The following PDE9A variants were observed in gnomAD, a reference collection of about 807,000 sequenced individuals.
The protein encoded by PDE9A is phosphodiesterase 9A.
In PDE9A, 60 loss-of-function variants were observed where a neutral mutation model predicts 87.4. The observed-to-expected ratio is 0.69, with a 90% CI of 0.56 to 0.85. The LOEUF (loss-of-function observed/expected upper bound fraction) is 0.85, where lower values mean the gene tolerates loss of function less well. Among genes scored for constraint, PDE9A ranks in the 40% least tolerant of loss-of-function variants. PDE9A has a pLI of 0.00. For missense variants in PDE9A, 665 were observed against 779.0 expected, an observed-to-expected ratio of 0.85 and a Z score of 1.74; for synonymous variants, 272 against 279.4, an observed-to-expected ratio of 0.97 and a Z score of 0.27.
rs1403748720 is a variant in PDE9A, at chr21:42,660,658, A to C, written c.69+6775A>C. Reference sequence around the variant, plus strand: ...AAAAAAAAGATTAAAATGGTTAAAAATAGAAAGTGCACAAGCAAGGGTCCA... The same window carrying C: ...AAAAAAAAGATTAAAATGGTTAAAACTAGAAAGTGCACAAGCAAGGGTCCA... On this transcript the variant is annotated intron_variant, in intron 1 of 19. Coordinates refer to ENST00000291539, the MANE Select transcript of PDE9A (RefSeq NM_002606.3). This position sits in a 1 kb window ranked among gnomAD's most constrained non-coding sequence, Gnocchi z 4.7. Among the ~76,000 whole-genome samples, 2 of 151,870 alleles carry C rather than the reference A, an allele frequency of 1.3e-5. No homozygotes were observed. Among genetic ancestry groups the C allele is most frequent in the Non-Finnish European group, 2.9e-5 (2 of 68,006 alleles).
chr21:42,726,931 C>T (rs921462571), intron 4 of PDE9A, among the ~76,000 whole-genome samples: 20 of 151,642 alleles, frequency 1.3e-4, no homozygotes, highest in Non-Finnish European at 2.5e-4. Context: ...CTGCCAGTAC[C>T]TCACAGTCTT....
chr21:42,743,114 G>A (rs964448851), intron 7 of PDE9A, among the ~76,000 whole-genome samples: 7 of 152,186 alleles, frequency 4.6e-5, no homozygotes, highest in East Asian at 1.9e-4. Flanking sequence ...TTGGAGGTTC[G>A]AAGCAAGATG....
chr21:42,762,283 A>G lies in PDE9A; in HGVS notation c.1242+44A>G, dbSNP rs770853254. 3.8e-6 allele frequency: 6 copies of G among 1,591,328 alleles called. No individual in the cohort carries two copies. The African/African-American group carries it at 8.0e-5, about 21-fold the overall frequency. On this transcript the variant is annotated intron_variant, in intron 14 of 19. Coordinates refer to ENST00000291539, the MANE Select transcript of PDE9A (RefSeq NM_002606.3). ...CTCCCACCGGAGTGGGGGCACATTCAGGGACAGAGCAGCCCCCACTCTCCA... is the reference window on the plus strand; with the variant it reads ...CTCCCACCGGAGTGGGGGCACATTCGGGGACAGAGCAGCCCCCACTCTCCA...
At chr21:42,668,391 C>T (rs2058152126) in intron 1 of PDE9A, among the ~76,000 whole-genome samples, 2 of 152,132 alleles carry the variant, frequency 1.3e-5, no homozygotes, top group Admixed American at 1.3e-4. Flanking sequence ...GGGTGAGGCC[C>T]CAGAGAGGGG....
At chr21:42,701,676 A>G (rs932404115) in intron 4 of PDE9A, among the ~76,000 whole-genome samples, 1 of 151,814 alleles carries the variant, frequency 6.6e-6, no homozygotes, top group Admixed American at 6.6e-5. Flanking sequence ...AACTCAAGTA[A>G]TCCTCCCTCC....
At chr21:42,683,721 C>T (rs1298278520) in intron 1 of PDE9A, among the ~76,000 whole-genome samples, 1 of 152,232 alleles carries the variant, frequency 6.6e-6, no homozygotes, top group African/African-American at 2.4e-5. Flanking sequence ...ATCGCCCTCC[C>T]CTCGCCTTTT....
intron 1 of PDE9A, among the ~76,000 whole-genome samples, chr21:42,664,322 C>T (rs1207167389): frequency 6.6e-6 from 1 of 152,262 alleles, no homozygotes; most frequent in Non-Finnish European, 1.5e-5. Context: ...CTCAGCCTGG[C>T]ACAGGGACGT....
Position 42,687,940 on chromosome 21 carries a change from C to A in PDE9A, c.164C>A (p.Thr55Asn). 1.2e-6 allele frequency: 2 copies of A among 1,613,222 alleles called. No individual in the cohort carries two copies. The highest frequency in any genetic ancestry group is 1.7e-6 in the Non-Finnish European group (2 of 1,180,004). ...AGGAACACGACCATCTCCCTGCTGA[C>A]CACCGACGACGCCATGGTCTCCATC... is the stretch of plus-strand genomic sequence containing the variant. ...LPRNTTISLL[T>N]TDDAMVSIDP... Residue 55 changes from threonine to asparagine, a missense_variant, in exon 3 of 20, where the codon ACC (threonine) becomes AAC (asparagine). Physicochemically the swap from Thr to Asn is moderately conservative, Grantham distance 65. Coordinates refer to ENST00000291539, the MANE Select transcript of PDE9A (RefSeq NM_002606.3).
At chr21:42,662,957 ATG>A (rs2057680796) in intron 1 of PDE9A, among the ~76,000 whole-genome samples, 1 of 143,604 alleles carries the variant, frequency 7.0e-6, no homozygotes, top group African/African-American at 2.6e-5. Flanking sequence ...CGCACATCAC[ATG>A]CACACGCCAC....
chr21:42,718,444 C>T (rs193024389), intron 4 of PDE9A, among the ~76,000 whole-genome samples: 1 of 151,860 alleles, frequency 6.6e-6, no homozygotes, highest in East Asian at 1.9e-4. Flanking sequence ...TTTCAAGTGA[C>T]TGCAGCTTTG....
chr21:42,696,691 C>A lies in PDE9A; in HGVS notation c.219-2277C>A, dbSNP rs2060157833. Reference sequence around the variant, plus strand: ...CCCAGCCCAGGCCCTTCCTAGGCAACCCTGGCACGGGTCCTCACTGGCCAC... The same window carrying A: ...CCCAGCCCAGGCCCTTCCTAGGCAAACCTGGCACGGGTCCTCACTGGCCAC... On this transcript the variant is annotated intron_variant, in intron 3 of 19. Transcript: ENST00000291539. The surrounding 1 kb of genome is among the most constrained non-coding windows in gnomAD (Gnocchi z 5.1). Among the ~76,000 whole-genome samples the A allele has an allele frequency of 6.6e-6, 1 of 152,346 alleles. No individual in the cohort carries two copies. The highest frequency in any genetic ancestry group is 3.4e-3 in the Middle Eastern group (1 of 294).
At chr21:42,665,694 A>T (rs2057916860) in intron 1 of PDE9A, among the ~76,000 whole-genome samples, 1 of 152,178 alleles carries the variant, frequency 6.6e-6, no homozygotes, top group African/African-American at 2.4e-5. Context: ...TCTGCACTGT[A>T]ATAACTCCTC....
Position 42,732,103 on chromosome 21 carries a change from AG to A in PDE9A, c.478del (p.Val160LeufsTer14). On this transcript the variant is annotated frameshift_variant, in exon 6 of 20. Transcript: ENST00000291539. LOFTEE classifies it high-confidence loss of function. ...GAATTAATCCAGAGCGTGCTGGCGC[AG>A]GTTGCAGAGCAGTTCTCAAGGTACA... ...REELIQSVLA[Q>X]VAEQFSRAFK... 2 of 1,614,170 alleles carry A rather than the reference AG, an allele frequency of 1.2e-6. No individual in the cohort carries two copies. Among genetic ancestry groups the A allele is most frequent in the South Asian group, 2.2e-5 (2 of 91,086 alleles).
intron 4 of PDE9A, among the ~76,000 whole-genome samples, chr21:42,725,469 C>T (rs1164057911): frequency 6.6e-6 from 1 of 152,120 alleles, no homozygotes; most frequent in Non-Finnish European, 1.5e-5. Flanking sequence ...GAACTCCTGA[C>T]CTCTGGTGAT....
At chr21:42,664,820 C>T (rs1002301961) in intron 1 of PDE9A, among the ~76,000 whole-genome samples, 4 of 152,236 alleles carry the variant, frequency 2.6e-5, no homozygotes, top group Non-Finnish European at 4.4e-5. Context: ...ACTCAGTTTC[C>T]TCTCGACTTC....
At chr21:42,661,385 TCCCCATCCCCCTC>T (rs2057473954) in intron 1 of PDE9A, among the ~76,000 whole-genome samples, 1 of 134,376 alleles carries the variant, frequency 7.4e-6, no homozygotes, top group African/African-American at 2.8e-5. Flanking sequence ...AAACCCTCCC[TCCCCATCCCCCTC>T]CCCCAGCCCC....
intron 4 of PDE9A, among the ~76,000 whole-genome samples, chr21:42,728,999 CAA>C (rs1004336745): frequency 1.5e-4 from 14 of 94,388 alleles, no homozygotes; most frequent in Non-Finnish European, 1.4e-4. Flanking sequence ...GACTCAGTCT[CAA>C]AAAAAAAAAA....
intron 8 of PDE9A, among the ~76,000 whole-genome samples, chr21:42,750,572 T>TC (rs1417687093): frequency 1.0e-5 from 1 of 97,906 alleles, no homozygotes; most frequent in Non-Finnish European, 2.3e-5. Context: ...GACTTTTTTT[T>TC]CTTTTTTTTT....
intron 3 of PDE9A, among the ~76,000 whole-genome samples, chr21:42,691,726 A>G (rs1370847256): frequency 1.3e-5 from 2 of 150,800 alleles, no homozygotes; most frequent in Admixed American, 1.3e-4. Flanking sequence ...CACCATCACT[A>G]TCACCAGGCC....
Sources: allele counts gnomAD v4.1 joint callset (sites outside exome capture counted in the v4.1 genomes callset), GRCh38; gene constraint gnomAD v4.1.1; non-coding constraint Gnocchi (gnomAD v3.1); transcripts MANE v1.5; gene names NCBI Gene and HGNC (gene_info 2026-07-23, HGNC 2026-07-21).